The following VWC2 variants were observed in gnomAD, a reference collection of about 807,000 sequenced individuals.
VWC2 encodes the protein brorin.
In VWC2, 14 loss-of-function variants were observed where a neutral mutation model predicts 29.8. The observed-to-expected ratio is 0.47, with a 90% CI of 0.31 to 0.74. VWC2 has a LOEUF of 0.74. Among genes scored for constraint, VWC2 ranks in the 30% least tolerant of loss-of-function variants. The pLI is 0.05. For synonymous variants in VWC2, 213 were observed against 199.0 expected (o/e 1.07, Z -0.59); for missense variants, 457 against 459.8 (o/e 0.99, Z 0.05).
At chr7:49,786,809 T>G (rs1376311352) in intron 2 of VWC2, among the ~76,000 whole-genome samples, 1 of 152,212 alleles carries the variant, frequency 6.6e-6, no homozygotes, top group Non-Finnish European at 1.5e-5. Context: ...TCATGTCTCT[T>G]GCCCATTTTT....
intron 3 of VWC2, among the ~76,000 whole-genome samples, chr7:49,898,752 C>T (rs1313251006): frequency 6.6e-6 from 1 of 151,858 alleles, no homozygotes; most frequent in Non-Finnish European, 1.5e-5. Context: ...CTCTCATTAC[C>T]CACAAAGTGG....
chr7:49,852,685 C>T lies in VWC2; in HGVS notation c.826+49845C>T, dbSNP rs550961395. 1.2e-4 allele frequency among the ~76,000 whole-genome samples: 18 copies of T among 150,216 alleles called. No homozygotes were observed. The South Asian group carries it at 2.3e-3, about 19-fold the overall frequency. ...AAAGAGCCCTACCACCTTGGTGTGA[C>T]GGATGGGGGACGGGCCTTGCTCCTA... On this transcript the variant is annotated intron_variant, in intron 3 of 3. Coordinates refer to ENST00000340652, the MANE Select transcript of VWC2 (RefSeq NM_198570.5).
chr7:49,906,168 A>G (rs1177205869), intron 3 of VWC2, among the ~76,000 whole-genome samples: 1 of 152,046 alleles, frequency 6.6e-6, no homozygotes, highest in Non-Finnish European at 1.5e-5. Context: ...ACTTTACTCT[A>G]TGGACTCACC....
intron 3 of VWC2, 94 bp downstream of exon 3, chr7:49,802,934 G>A (rs1788777093): frequency 6.5e-6 from 10 of 1,527,686 alleles, no homozygotes; most frequent in South Asian, 2.4e-5. Flanking sequence ...ATACGGATAC[G>A]TGAGTTTCAT....
chr7:49,891,878 G>T lies in VWC2; in HGVS notation c.827-20156G>T, dbSNP rs1054592702. Among the ~76,000 whole-genome samples, 9 of 151,264 alleles carry T rather than the reference G, an allele frequency of 5.9e-5. No homozygotes were observed. The East Asian group carries it at 7.7e-4, about 13-fold the overall frequency. On this transcript the variant is annotated intron_variant, in intron 3 of 3. Transcript: ENST00000340652. ...GTACTCTAACTTTCTGCTATTGATA[G>T]ATACTTTAAAGTAAATATCTATCAA... is the stretch of plus-strand genomic sequence containing the variant.
chr7:49,782,379 G>T (rs1418360907), intron 2 of VWC2, among the ~76,000 whole-genome samples: 5 of 152,164 alleles, frequency 3.3e-5, no homozygotes, highest in Admixed American at 2.0e-4. Flanking sequence ...GTTTAGGAAA[G>T]CAGGTCCCAT....
intron 2 of VWC2, among the ~76,000 whole-genome samples, chr7:49,789,340 AGT>A (rs1788410877): frequency 6.8e-6 from 1 of 146,942 alleles, no homozygotes; most frequent in Non-Finnish European, 1.5e-5. Flanking sequence ...GGTGCGTGTG[AGT>A]GTATATGTGG....
At chr7:49,882,660 T>A (rs1235179469) in intron 3 of VWC2, among the ~76,000 whole-genome samples, 1 of 152,022 alleles carries the variant, frequency 6.6e-6, no homozygotes, top group Non-Finnish European at 1.5e-5. Context: ...CTACGTCTCA[T>A]CCCTGGTGAG....
intron 2 of VWC2, among the ~76,000 whole-genome samples, chr7:49,789,196 TGA>T (rs1217400799): frequency 3.4e-5 from 5 of 146,676 alleles, no homozygotes; most frequent in African/African-American, 7.5e-5. Context: ...GGTGCATGTG[TGA>T]GTGTGGGTGT....
intron 3 of VWC2, among the ~76,000 whole-genome samples, chr7:49,808,612 C>A (rs1043570195): frequency 2.6e-5 from 4 of 151,984 alleles, no homozygotes; most frequent in East Asian, 1.9e-4. Context: ...CTACAGTTGA[C>A]CCTATGCTAA....
chr7:49,821,260 C>G (rs1478178406), intron 3 of VWC2, among the ~76,000 whole-genome samples: 1 of 152,270 alleles, frequency 6.6e-6, no homozygotes, highest in Non-Finnish European at 1.5e-5. Context: ...AGTAAACTCA[C>G]TGGCCAGATA....
At chr7:49,898,814 G>A (rs1792539919) in intron 3 of VWC2, among the ~76,000 whole-genome samples, 1 of 151,842 alleles carries the variant, frequency 6.6e-6, no homozygotes, top group Non-Finnish European at 1.5e-5. Context: ...GCAAAGTCTA[G>A]GGCAACCCCT....
chr7:49,809,091 T>C (rs1788941380), intron 3 of VWC2, among the ~76,000 whole-genome samples: 1 of 151,896 alleles, frequency 6.6e-6, no homozygotes, highest in Non-Finnish European at 1.5e-5. Context: ...ACCAAGTTAG[T>C]TTTTGAAAGC....
chr7:49,816,994 C>A (rs191048761), intron 3 of VWC2, among the ~76,000 whole-genome samples: 255 of 152,284 alleles, frequency 1.7e-3, no homozygotes, highest in Non-Finnish European at 2.9e-3. Flanking sequence ...GGGACTCCAC[C>A]CCAAATTGAG....
chr7:49,874,291 T>G (rs560481345), intron 3 of VWC2, among the ~76,000 whole-genome samples: 22 of 152,314 alleles, frequency 1.4e-4, no homozygotes, highest in African/African-American at 5.1e-4. Context: ...TTACTCTACC[T>G]TTTCTATGGT....
At chr7:49,880,689 G>C (rs1170398291) in intron 3 of VWC2, among the ~76,000 whole-genome samples, 1 of 151,982 alleles carries the variant, frequency 6.6e-6, no homozygotes, top group Non-Finnish European at 1.5e-5. Context: ...TTGTGGGATG[G>C]GGGAAGGGGG....
intron 3 of VWC2, among the ~76,000 whole-genome samples, chr7:49,889,390 A>T (rs1002812887): frequency 6.6e-6 from 1 of 152,256 alleles, no homozygotes; most frequent in Non-Finnish European, 1.5e-5. Context: ...TCATGGCAAC[A>T]TTAGTGCTTT....
chr7:49,829,224 A>G (rs750483059), intron 3 of VWC2, among the ~76,000 whole-genome samples: 1 of 152,244 alleles, frequency 6.6e-6, no homozygotes, highest in African/African-American at 2.4e-5. Flanking sequence ...GCAAGGCTGT[A>G]TCAGGATTTC....
intron 3 of VWC2, among the ~76,000 whole-genome samples, chr7:49,819,100 C>T (rs1789211193): frequency 1.3e-5 from 2 of 152,190 alleles, no homozygotes; most frequent in African/African-American, 2.4e-5. Context: ...ACAGCTTCCT[C>T]GCTGGTCTGC....
Sources: gnomAD v4.1 joint callset for allele counts (sites outside exome capture counted in the v4.1 genomes callset) on GRCh38, gnomAD v4.1.1 for gene constraint, MANE v1.5 for transcripts, NCBI Gene and HGNC (gene_info 2026-07-23, HGNC 2026-07-21) for gene names.